CNTN4: variants seen among roughly 807,000 people sequenced by gnomAD.
The protein encoded by CNTN4 is contactin-4.
A neutral mutation model predicts 122.5 loss-of-function variants in CNTN4; 77 were observed. That is an observed-to-expected ratio of 0.63 (90% CI 0.52 to 0.76). CNTN4 has a LOEUF of 0.76. Among genes scored for constraint, CNTN4 ranks in the 30% least tolerant of loss-of-function variants. The pLI is 0.00. For synonymous variants in CNTN4, 512 were observed against 447.0 expected (o/e 1.15, Z -1.83); for missense variants, 1,256 against 1,259.1 (o/e 1.00, Z 0.04).
At chr3:2,819,610 G>A in intron 7 of CNTN4, 29 bp downstream of exon 7, 1 of 1,444,848 alleles carries the variant, frequency 6.9e-7, no homozygotes, top group Non-Finnish European at 9.8e-7. Flanking sequence ...ACATATGCAT[G>A]CTTCACTCTC....
At chr3:2,562,416 G>T (rs73108585) in intron 3 of CNTN4, among the ~76,000 whole-genome samples, 92 of 152,138 alleles carry the variant, frequency 6.0e-4, no homozygotes, top group African/African-American at 2.1e-3. Context: ...AGGGTCTACT[G>T]TTCCCATCTT....
intron 2 of CNTN4, among the ~76,000 whole-genome samples, chr3:2,261,787 C>T (rs2040842928): frequency 6.6e-6 from 1 of 152,150 alleles, no homozygotes; most frequent in African/African-American, 2.4e-5. Context: ...TTGAGAATGG[C>T]TGGGCACCTT....
intron 3 of CNTN4, among the ~76,000 whole-genome samples, chr3:2,365,060 T>G (rs1421405107): frequency 6.6e-6 from 1 of 152,194 alleles, no homozygotes; most frequent in Non-Finnish European, 1.5e-5. Flanking sequence ...TTTCTAAATT[T>G]TCAATTTTGG....
intron 12 of CNTN4, among the ~76,000 whole-genome samples, chr3:2,922,676 G>A (rs183015523): frequency 3.6e-5 from 5 of 140,662 alleles, no homozygotes; most frequent in African/African-American, 1.3e-4. Context: ...GCAGTGGCAC[G>A]ATCTTGGCTC....
rs1408338328 is a variant in CNTN4, at chr3:2,887,157, T to C, written c.873T>C (p.Gly291=). 8.7e-6 allele frequency: 14 copies of C among 1,614,096 alleles called. No individual in the cohort carries two copies. Among genetic ancestry groups the C allele is most frequent in the Non-Finnish European group, 1.1e-5 (13 of 1,179,998 alleles). ...CTAATTTTCAGCAGGAGGATGCTGG[T>C]TTATATGAATGTGTAGCTGAAAATT... ...EIPNFQQEDA[G]LYECVAENSR... is the part of the protein sequence containing the mutation. The change falls in exon 10 of 25, where the codon GGT becomes GGC. Residue 291 remains glycine (G), a synonymous_variant. Coordinates refer to ENST00000418658, the MANE Select transcript of CNTN4 (RefSeq NM_175607.3).
chr3:2,167,929 C>G (rs2149215462), intron 2 of CNTN4, among the ~76,000 whole-genome samples: 1 of 152,218 alleles, frequency 6.6e-6, no homozygotes, highest in East Asian at 1.9e-4. Context: ...TCACTTGAGG[C>G]TAGGCGTTCA....
chr3:2,577,344 A>G (rs1009498829), intron 4 of CNTN4, among the ~76,000 whole-genome samples: 2 of 152,154 alleles, frequency 1.3e-5, no homozygotes, highest in African/African-American at 2.4e-5. Context: ...GTATTAATAG[A>G]TCTATATATG....
intron 3 of CNTN4, among the ~76,000 whole-genome samples, chr3:2,367,911 G>A (rs9837172): frequency 0.026 from 3,979 of 151,948 alleles, 170 homozygotes; most frequent in African/African-American, 0.089. Flanking sequence ...CTCAGGATCC[G>A]TAAGTACTAT....
chr3:2,693,625 G>T (rs1192122644), intron 4 of CNTN4, among the ~76,000 whole-genome samples: 1 of 152,062 alleles, frequency 6.6e-6, no homozygotes, highest in African/African-American at 2.4e-5. Context: ...CTTTAGTCTG[G>T]AGAGAAAAAA....
chr3:2,604,437 G>T (rs752742733), intron 4 of CNTN4, among the ~76,000 whole-genome samples: 1 of 152,142 alleles, frequency 6.6e-6, no homozygotes, highest in Non-Finnish European at 1.5e-5. Flanking sequence ...AGGTAAGGCT[G>T]ATCTCCCAGT....
chr3:2,208,560 T>C (rs1275029227), intron 2 of CNTN4, among the ~76,000 whole-genome samples: 1 of 152,138 alleles, frequency 6.6e-6, no homozygotes, highest in Non-Finnish European at 1.5e-5. Flanking sequence ...TGTAACTAGG[T>C]GATAAAGGAG....
chr3:2,279,374 A>G (rs1336864185), intron 2 of CNTN4, among the ~76,000 whole-genome samples: 1 of 152,192 alleles, frequency 6.6e-6, no homozygotes, highest in African/African-American at 2.4e-5. Flanking sequence ...ATAATGAGCA[A>G]CTTTCACAAT....
intron 4 of CNTN4, among the ~76,000 whole-genome samples, chr3:2,648,607 C>G (rs934961244): frequency 6.6e-6 from 1 of 152,172 alleles, no homozygotes; most frequent in East Asian, 1.9e-4. Flanking sequence ...GCCTCTCCCC[C>G]ATCTCTCTCC....
intron 4 of CNTN4, among the ~76,000 whole-genome samples, chr3:2,630,875 G>A (rs1019985643): frequency 6.6e-6 from 1 of 152,070 alleles, no homozygotes; most frequent in Non-Finnish European, 1.5e-5. Context: ...GTGAAGACAG[G>A]CATTGTCTGT....
intron 7 of CNTN4, among the ~76,000 whole-genome samples, chr3:2,844,979 G>A (rs2093429999): frequency 6.6e-6 from 1 of 152,130 alleles, no homozygotes; most frequent in Non-Finnish European, 1.5e-5. Context: ...CACTGCCAAG[G>A]ATGAGTTGTT....
chr3:2,681,626 C>A (rs1460882645), intron 4 of CNTN4, among the ~76,000 whole-genome samples: 1 of 150,166 alleles, frequency 6.7e-6, no homozygotes, highest in Non-Finnish European at 1.5e-5. Context: ...ATATGTGCAC[C>A]CCTTACGTAT....
intron 3 of CNTN4, among the ~76,000 whole-genome samples, chr3:2,453,825 G>A (rs1198670762): frequency 6.6e-6 from 1 of 152,108 alleles, no homozygotes; most frequent in African/African-American, 2.4e-5. Flanking sequence ...TCAACAGAGT[G>A]AATTATAGTT....
At chr3:2,907,570 C>CA (rs34860687) in intron 12 of CNTN4, among the ~76,000 whole-genome samples, 3,908 of 133,670 alleles carry the variant, frequency 0.029, 136 homozygotes, top group African/African-American at 0.085. Context: ...GAGACTGTCT[C>CA]AAAAAAAAAA....
At chr3:2,623,588 G>A (rs1004480565) in intron 4 of CNTN4, among the ~76,000 whole-genome samples, 7 of 152,182 alleles carry the variant, frequency 4.6e-5, no homozygotes, top group Admixed American at 3.9e-4. Context: ...TCTGCCTTTT[G>A]TCAAACTTAT....
Sources: allele counts gnomAD v4.1 joint callset (sites outside exome capture counted in the v4.1 genomes callset), GRCh38; gene constraint gnomAD v4.1.1; transcripts MANE v1.5; gene names NCBI Gene and HGNC (gene_info 2026-07-23, HGNC 2026-07-21).